Variants in CEP350 observed in about 807,000 individuals in gnomAD.
CEP350 encodes the protein centrosome-associated protein 350.
CEP350 carries 126 observed loss-of-function variants against 331.8 expected under a neutral mutation model. That is an observed-to-expected ratio of 0.38 (90% CI 0.33 to 0.44). The LOEUF is 0.44. Among genes scored for constraint, CEP350 ranks in the 20% least tolerant of loss-of-function variants. The pLI is 1.00. For synonymous variants in CEP350, 1,200 were observed against 1,259.5 expected (o/e 0.95, Z 1.00); for missense variants, 3,406 against 3,634.6 (o/e 0.94, Z 1.62).
At chr1:180,054,625 CTGTTTATGTT>C (rs1437483862) in intron 25 of CEP350, 123 bp downstream of exon 25, 3 of 698,848 alleles carry the variant, frequency 4.3e-6, no homozygotes, top group Non-Finnish European at 7.7e-6. Flanking sequence ...GATACTTCCA[CTGTTTATGTT>C]CATACTACTA....
At chr1:180,053,485 C>T (rs929995502) in intron 23 of CEP350, among the ~76,000 whole-genome samples, 3 of 152,146 alleles carry the variant, frequency 2.0e-5, no homozygotes, top group African/African-American at 7.2e-5. Flanking sequence ...TTGTAATCCT[C>T]TTGGTTAAGA....
At chr1:180,001,270 A>T (rs1327047493) in intron 6 of CEP350, among the ~76,000 whole-genome samples, 1 of 151,972 alleles carries the variant, frequency 6.6e-6, no homozygotes, top group Non-Finnish European at 1.5e-5. Context: ...ATTTTATTTT[A>T]TTTTTTGAGA....
intron 1 of CEP350, among the ~76,000 whole-genome samples, chr1:179,972,788 A>G (rs557531614): frequency 6.6e-6 from 1 of 152,198 alleles, no homozygotes; most frequent in African/African-American, 2.4e-5. Context: ...GATTTTAATG[A>G]GAGTTATTCA....
chr1:180,011,831 A>G, intron 8 of CEP350, 98 bp from the exon 9 acceptor site: 2 of 779,526 alleles, frequency 2.6e-6, no homozygotes, highest in African/African-American at 3.6e-5. Flanking sequence ...ACCTTGACAG[A>G]TGAACATAAG....
At chr1:180,083,943 T>C in intron 30 of CEP350, 75 bp from the exon 31 acceptor site, 4 of 688,532 alleles carry the variant, frequency 5.8e-6, no homozygotes, top group Non-Finnish European at 9.2e-6. Context: ...ACATTACAGC[T>C]TTTTATTAGT....
chr1:180,110,865 A>G, intron 37 of CEP350, 132 bp from the exon 38 acceptor site: 2 of 764,916 alleles, frequency 2.6e-6, no homozygotes, highest in Non-Finnish European at 4.1e-6. Flanking sequence ...TTGATATCAT[A>G]TGAATTATCT....
intron 8 of CEP350, among the ~76,000 whole-genome samples, chr1:180,010,888 G>A (rs1192313710): frequency 6.6e-6 from 1 of 152,040 alleles, no homozygotes; most frequent in Non-Finnish European, 1.5e-5. Context: ...GGGATTATAG[G>A]CATGAGCCAC....
At chr1:179,984,337 C>T (rs1652498967) in intron 1 of CEP350, among the ~76,000 whole-genome samples, 1 of 152,208 alleles carries the variant, frequency 6.6e-6, no homozygotes, top group East Asian at 1.9e-4. Context: ...GATTTTGGCT[C>T]AATGTCTCTC....
At chr1:180,030,213 G>GTATATA (rs35905506) in intron 14 of CEP350, among the ~76,000 whole-genome samples, 3,063 of 142,848 alleles carry the variant, frequency 0.021, 43 homozygotes, top group African/African-American at 0.022. Flanking sequence ...TAAATTTTTT[G>GTATATA]TATATATATA....
intron 8 of CEP350, among the ~76,000 whole-genome samples, chr1:180,007,016 G>A (rs1571857042): frequency 6.6e-6 from 1 of 152,106 alleles, no homozygotes; most frequent in South Asian, 2.1e-4. Context: ...TCATTGATGG[G>A]CATTTGGGTT....
chr1:180,106,842 C>T (rs948179143), intron 37 of CEP350, among the ~76,000 whole-genome samples: 2 of 150,710 alleles, frequency 1.3e-5, no homozygotes, highest in Non-Finnish European at 2.9e-5. Flanking sequence ...ACTTATAGTA[C>T]TTACAGGAGC....
chr1:180,034,648 G>T (rs988947102), intron 16 of CEP350, among the ~76,000 whole-genome samples: 2 of 151,822 alleles, frequency 1.3e-5, no homozygotes, highest in African/African-American at 4.8e-5. Context: ...TGTGATTAGC[G>T]ATCTTTGATG....
chr1:180,063,000 A>C (rs1658317758), intron 26 of CEP350, among the ~76,000 whole-genome samples: 1 of 152,102 alleles, frequency 6.6e-6, no homozygotes, highest in Admixed American at 6.6e-5. Context: ...TTTAATTTAG[A>C]ATATTTTTCA....
chr1:180,021,226 A>G (rs1169233366), intron 12 of CEP350, among the ~76,000 whole-genome samples: 1 of 152,134 alleles, frequency 6.6e-6, no homozygotes, highest in East Asian at 1.9e-4. Context: ...TGTTATTATC[A>G]TAAAATAATA....
rs368657159 is a variant in CEP350 at position 180,015,860 on chromosome 1, G to A, written c.2064G>A (p.Gly688=). Residue 688 remains glycine (G), a synonymous_variant, in exon 11 of 38, where the codon GGG becomes GGA. Transcript: ENST00000367607. ...HVTQETQAKP[G]YQPSGESDKE... Reference sequence around the variant, plus strand: ...TCCTTTTCTCCTAGGCCAAACCAGGGTATCAGCCATCTGGAGAATCTGACA... The same window carrying A: ...TCCTTTTCTCCTAGGCCAAACCAGGATATCAGCCATCTGGAGAATCTGACA... 3.1e-6 allele frequency: 5 copies of A among 1,613,514 alleles called. No individual in the cohort carries two copies. The highest frequency in any genetic ancestry group is 1.3e-5 in the African/African-American group (1 of 74,900).
chr1:180,075,657 G>GAAAAAAA (rs904373874), intron 28 of CEP350, among the ~76,000 whole-genome samples: 4 of 146,452 alleles, frequency 2.7e-5, no homozygotes, highest in African/African-American at 1.0e-4. Context: ...GGAGAAATTA[G>GAAAAAAA]AAAAAAAAAA....
At chr1:179,963,701 C>A (rs1650795826) in intron 1 of CEP350, among the ~76,000 whole-genome samples, 1 of 151,926 alleles carries the variant, frequency 6.6e-6, no homozygotes, top group Admixed American at 6.6e-5. Flanking sequence ...ATACAGATGT[C>A]TGTTTTTGTA....
chr1:180,089,990 T>C (rs1257485677), intron 32 of CEP350, among the ~76,000 whole-genome samples: 5 of 151,906 alleles, frequency 3.3e-5, no homozygotes, highest in African/African-American at 9.7e-5. Flanking sequence ...GTCAAGAAAA[T>C]AGAGTGAATG....
chr1:180,106,150 A>G (rs544738938), intron 37 of CEP350, among the ~76,000 whole-genome samples: 21 of 152,206 alleles, frequency 1.4e-4, no homozygotes, highest in Non-Finnish European at 2.6e-4. Context: ...TATGTACAGT[A>G]GCCTTGAAAA....
Sources: gnomAD v4.1 joint callset for allele counts (sites outside exome capture counted in the v4.1 genomes callset) on GRCh38, gnomAD v4.1.1 for gene constraint, MANE v1.5 for transcripts, NCBI Gene and HGNC (gene_info 2026-07-23, HGNC 2026-07-21) for gene names.